The following DCT variants were observed in gnomAD, a reference collection of about 807,000 sequenced individuals.
DCT encodes L-dopachrome tautomerase.
In DCT, 47 loss-of-function variants were observed where a neutral mutation model predicts 53.0. The ratio of observed to expected loss-of-function variants is 0.89; its 90% CI spans 0.70 to 1.13. The LOEUF (loss-of-function observed/expected upper bound fraction) is 1.13. Ranked by LOEUF, DCT falls within the 50% of genes most tolerant of loss-of-function variation. DCT has a pLI of 0.00. For synonymous variants in DCT, 244 were observed against 237.0 expected, an observed-to-expected ratio of 1.03 and a Z score of -0.27; for missense variants, 669 against 637.4, an observed-to-expected ratio of 1.05 and a Z score of -0.53.
intron 6 of DCT, among the ~76,000 whole-genome samples, chr13:94,458,974 T>A (rs1169034751): frequency 1.3e-5 from 2 of 151,950 alleles, no homozygotes; most frequent in Non-Finnish European, 2.9e-5. Flanking sequence ...CCTCCCAGGC[T>A]CAAGTGATCC....
the DCT span, among the ~76,000 whole-genome samples, chr13:94,509,929 T>G: frequency 3.3e-5 from 5 of 152,162 alleles, no homozygotes; most frequent in African/African-American, 9.7e-5. Flanking sequence ...TCAATAGCAA[T>G]TTGTTGAAGA....
chr13:94,451,808 A>G (rs1161202269), intron 6 of DCT, among the ~76,000 whole-genome samples: 1 of 152,226 alleles, frequency 6.6e-6, no homozygotes, highest in Non-Finnish European at 1.5e-5. Context: ...TTACATGACC[A>G]GATTATTAGG....
upstream of DCT, among the ~76,000 whole-genome samples, chr13:94,483,314 A>C (rs1433983570): frequency 6.6e-6 from 1 of 152,010 alleles, no homozygotes; most frequent in East Asian, 1.9e-4. Flanking sequence ...AGTAAGTATA[A>C]TTTAAATGTA....
At chr13:94,443,208 C>T (rs1882468900) in intron 7 of DCT, among the ~76,000 whole-genome samples, 1 of 152,262 alleles carries the variant, frequency 6.6e-6, no homozygotes, top group East Asian at 1.9e-4. Context: ...TTAAAACTTT[C>T]AGTTTTCTAA....
At chr13:94,499,106 C>T in the DCT span, among the ~76,000 whole-genome samples, 1 of 152,278 alleles carries the variant, frequency 6.6e-6, no homozygotes, top group African/African-American at 2.4e-5. Flanking sequence ...TTTCGCTTTT[C>T]ACAATAAATC....
chr13:94,504,954 T>C, the DCT span, among the ~76,000 whole-genome samples: 54,196 of 151,532 alleles, frequency 0.36, 10,087 homozygotes, highest in East Asian at 0.61. Context: ...CATCTTCCTC[T>C]AGTCTCTTTG....
chr13:94,469,902 T>C (rs1164572915), intron 1 of DCT, among the ~76,000 whole-genome samples: 1 of 151,950 alleles, frequency 6.6e-6, no homozygotes, highest in African/African-American at 2.4e-5. Flanking sequence ...TGGTGAAACC[T>C]CGTCTCTACT....
the DCT span, among the ~76,000 whole-genome samples, chr13:94,536,335 G>A: frequency 6.6e-6 from 1 of 152,144 alleles, no homozygotes; most frequent in Admixed American, 6.5e-5. Context: ...GCTCTTCAAA[G>A]GGGACCTCCC....
chr13:94,517,211 T>C, the DCT span, among the ~76,000 whole-genome samples: 74 of 152,366 alleles, frequency 4.9e-4, no homozygotes, highest in African/African-American at 1.8e-3. Context: ...GTTTCATTTC[T>C]GTCTCCTAAC....
At chr13:94,479,930 G>A (rs1473105376), upstream of DCT, among the ~76,000 whole-genome samples, 1 of 152,100 alleles carries the variant, frequency 6.6e-6, no homozygotes, top group African/African-American at 2.4e-5. Context: ...AGACATCCTG[G>A]GGAGTCAGTA....
the DCT span, among the ~76,000 whole-genome samples, chr13:94,523,097 C>T: frequency 6.6e-6 from 1 of 152,178 alleles, no homozygotes; most frequent in East Asian, 1.9e-4. Flanking sequence ...GCAAGAATGT[C>T]GCAGTTTCTA....
chr13:94,461,454 C>T (rs572549366), intron 5 of DCT, among the ~76,000 whole-genome samples: 6 of 152,234 alleles, frequency 3.9e-5, no homozygotes, highest in South Asian at 2.1e-4. Context: ...GCAGTCCTCC[C>T]GCACTGGCCT....
rs188255935 is a variant in DCT, at chr13:94,443,226, G to C, written c.1381+210C>G. 5.6e-4 allele frequency among the ~76,000 whole-genome samples: 85 copies of C among 152,224 alleles called. 1 individual carries two copies. The highest frequency in any genetic ancestry group is 3.4e-3 in the Middle Eastern group (1 of 294). On this transcript the variant is annotated intron_variant, in intron 7 of 7. Coordinates refer to ENST00000377028, the MANE Select transcript of DCT (RefSeq NM_001922.5). ...AAACTTTCAGTTTTCTAAAACAAGA[G>C]TCAGCTCATTAGTCCCTTTCTGATG...
intron 6 of DCT, among the ~76,000 whole-genome samples, chr13:94,447,324 C>T (rs763072435): frequency 6.6e-6 from 1 of 152,192 alleles, no homozygotes; most frequent in Non-Finnish European, 1.5e-5. Flanking sequence ...GATTATCAGA[C>T]ATTAGTTAGA....
At chr13:94,513,299 A>G in the DCT span, among the ~76,000 whole-genome samples, 1 of 152,284 alleles carries the variant, frequency 6.6e-6, no homozygotes, top group East Asian at 1.9e-4. Flanking sequence ...TGGTTAGCAG[A>G]TTTGTGTACT....
the DCT span, among the ~76,000 whole-genome samples, chr13:94,530,534 A>C: frequency 1.3e-5 from 2 of 152,350 alleles, no homozygotes; most frequent in African/African-American, 4.8e-5. Flanking sequence ...ACCAACGACG[A>C]AAACCACATG....
chr13:94,468,604 A>G, intron 2 of DCT, 142 bp downstream of exon 2: 1 of 753,994 alleles, frequency 1.3e-6, no homozygotes. Context: ...GCGGTATTTG[A>G]TAATTCTACG....
the DCT span, among the ~76,000 whole-genome samples, chr13:94,538,867 G>A: frequency 6.6e-6 from 1 of 152,060 alleles, no homozygotes; most frequent in Non-Finnish European, 1.5e-5. Context: ...CTTAGGATTT[G>A]TCTGTTTCTA....
the DCT span, among the ~76,000 whole-genome samples, chr13:94,507,589 C>T: frequency 6.6e-6 from 1 of 151,398 alleles, no homozygotes; most frequent in East Asian, 1.9e-4. Context: ...CAAGCTCTGC[C>T]TCCTGGGTTC....
Sources: gnomAD v4.1 joint callset for allele counts (sites outside exome capture counted in the v4.1 genomes callset) on GRCh38, gnomAD v4.1.1 for gene constraint, MANE v1.5 for transcripts, NCBI Gene and HGNC (gene_info 2026-07-23, HGNC 2026-07-21) for gene names.